The following KLHDC4 variants were observed in gnomAD, a reference collection of about 807,000 sequenced individuals.
The protein encoded by KLHDC4 is kelch domain-containing protein 4.
KLHDC4 carries 90 observed loss-of-function variants against 62.4 expected under a neutral mutation model. The observed-to-expected ratio is 1.44, with a 90% CI of 1.22 to 1.72. The LOEUF (loss-of-function observed/expected upper bound fraction) is 1.72, where lower values mean the gene tolerates loss of function less well. Among genes scored for constraint, KLHDC4 ranks in the 40% most tolerant of loss-of-function variants. The pLI is 0.00. For missense variants in KLHDC4, 1,025 were observed against 699.7 expected (o/e 1.47, Z -5.25); for synonymous variants, 386 against 284.4 (o/e 1.36, Z -3.59).
intron 7 of KLHDC4, among the ~76,000 whole-genome samples, chr16:87,725,099 C>CTG (rs1464911075): frequency 1.2e-5 from 1 of 82,266 alleles, no homozygotes; most frequent in Non-Finnish European, 2.5e-5. Flanking sequence ...ATCTGGGTGA[C>CTG]TTGTTTAGCA....
intron 5 of KLHDC4, among the ~76,000 whole-genome samples, chr16:87,735,791 G>A (rs756316089): frequency 2.3e-4 from 35 of 152,230 alleles, no homozygotes; most frequent in Non-Finnish European, 4.3e-4. Context: ...ACAGGGGAAT[G>A]TCGTGGTGGC....
At chr16:87,727,125 G>C (rs934988153) in intron 6 of KLHDC4, among the ~76,000 whole-genome samples, 7 of 152,188 alleles carry the variant, frequency 4.6e-5, no homozygotes, top group Non-Finnish European at 7.3e-5. Context: ...AGAGACGCCA[G>C]TCAGGTCTCC....
Position 87,748,715 on chromosome 16 carries a change from A to G in KLHDC4, c.464T>C (p.Leu155Pro), listed in dbSNP as rs780540338. 2.5e-6 allele frequency: 4 copies of G among 1,613,630 alleles called. No individual in the cohort carries two copies. Among genetic ancestry groups the G allele is most frequent in the Non-Finnish European group, 3.4e-6 (4 of 1,179,938 alleles). Residue 155 changes from leucine (L) to proline (P), a missense_variant, in exon 5 of 12, where the codon CTC becomes CCC. Coordinates refer to ENST00000270583, the MANE Select transcript of KLHDC4 (RefSeq NM_017566.4). The stretch of plus-strand genomic sequence containing the variant: ...CTTGGTGGCCAAATGCAGGACCCAG[A>G]GATCCTTGTAGTGGTAGAACTGCTC... ...NGEQFYHYKD[L>P]WVLHLATKTW...
At chr16:87,765,664 G>A (rs926997139) in intron 1 of KLHDC4, 128 bp downstream of exon 1, 3 of 863,802 alleles carry the variant, frequency 3.5e-6, no homozygotes, top group Non-Finnish European at 5.1e-6. Context: ...CAGTTCCTAC[G>A]GCCTCCAGCT....
intron 6 of KLHDC4, 57 bp from the exon 7 acceptor site, chr16:87,726,981 T>A: frequency 6.4e-7 from 1 of 1,564,006 alleles, no homozygotes; most frequent in Non-Finnish European, 8.8e-7. Context: ...GCCCTGACAT[T>A]AAAAACTGAA....
At chr16:87,722,759 G>A (rs770561298) in intron 7 of KLHDC4, among the ~76,000 whole-genome samples, 1 of 152,246 alleles carries the variant, frequency 6.6e-6, no homozygotes, top group Admixed American at 6.5e-5. Context: ...TTGCATCTCT[G>A]CAGGTCACTC....
chr16:87,704,036 C>T (rs1597330035), downstream of KLHDC4, among the ~76,000 whole-genome samples: 1 of 152,254 alleles, frequency 6.6e-6, no homozygotes, highest in African/African-American at 2.4e-5. Context: ...CAGGCTGAGG[C>T]CGTGATCACA....
At chr16:87,714,259 G>A (rs2036478200) in intron 8 of KLHDC4, 7 of 429,186 alleles carry the variant, frequency 1.6e-5, no homozygotes, top group African/African-American at 1.3e-4. Context: ...GGGTAACAGC[G>A]CCCGTGCTTC....
intron 7 of KLHDC4, among the ~76,000 whole-genome samples, chr16:87,720,861 T>C (rs956116869): frequency 6.6e-6 from 1 of 152,198 alleles, no homozygotes; most frequent in Non-Finnish European, 1.5e-5. Flanking sequence ...GTCGCGATGG[T>C]TTCTGCAGAG....
chr16:87,765,860 CCTT>C lies in KLHDC4; in HGVS notation c.28_30del (p.Lys10del), dbSNP rs899818408. ...GCGGCCGTCTTCTCCGCGCCGCGGC[CCTT>C]CTTCTCCTTCTTGCCCTTCTTGCCC... On this transcript the variant is annotated inframe_deletion, in exon 1 of 12. Transcript: ENST00000270583. 30 of 1,552,374 alleles carry C rather than the reference CCTT, an allele frequency of 1.9e-5. No individual in the cohort carries two copies. Among genetic ancestry groups the C allele is most frequent in the Non-Finnish European group, 2.3e-5 (26 of 1,147,370 alleles).
intron 7 of KLHDC4, among the ~76,000 whole-genome samples, chr16:87,719,337 G>C (rs2043008433): frequency 1.3e-5 from 2 of 152,226 alleles, no homozygotes; most frequent in African/African-American, 4.8e-5. Flanking sequence ...AAATTCTTCT[G>C]CCTTGGGATG....
intron 1 of KLHDC4, among the ~76,000 whole-genome samples, chr16:87,764,571 C>T (rs149708880): frequency 0.019 from 2,678 of 139,912 alleles, 37 homozygotes; most frequent in Non-Finnish European, 0.03. Flanking sequence ...ACCACTTGAA[C>T]CTGGGAGGCG....
chr16:87,751,544 G>C (rs1211205994), intron 4 of KLHDC4, among the ~76,000 whole-genome samples: 1 of 152,114 alleles, frequency 6.6e-6, no homozygotes, highest in South Asian at 2.1e-4. Context: ...TTCAGTTTAG[G>C]GAGAATAGAC....
chr16:87,715,934 G>A (rs1369816307), intron 7 of KLHDC4, among the ~76,000 whole-genome samples: 2 of 152,160 alleles, frequency 1.3e-5, no homozygotes, highest in Non-Finnish European at 2.9e-5. Context: ...TCAGTGCCTC[G>A]TGGATATTGA....
intron 7 of KLHDC4, among the ~76,000 whole-genome samples, chr16:87,720,546 C>T (rs1304652028): frequency 8.6e-6 from 1 of 116,612 alleles, no homozygotes; most frequent in Non-Finnish European, 1.8e-5. Flanking sequence ...GGAGACGCCG[C>T]GCCCCTGGGG....
At chr16:87,757,663 G>A (rs911824156) in intron 2 of KLHDC4, among the ~76,000 whole-genome samples, 7 of 152,066 alleles carry the variant, frequency 4.6e-5, no homozygotes, top group Non-Finnish European at 8.8e-5. Context: ...GCTGAGGCGG[G>A]CAGATCACCT....
chr16:87,749,063 T>G (rs538423252), intron 4 of KLHDC4, among the ~76,000 whole-genome samples: 3 of 151,408 alleles, frequency 2.0e-5, no homozygotes, highest in African/African-American at 7.3e-5. Context: ...AACATCCATT[T>G]ACATGTAGAC....
intron 5 of KLHDC4, among the ~76,000 whole-genome samples, chr16:87,747,884 C>G (rs967483013): frequency 6.6e-6 from 1 of 152,186 alleles, no homozygotes; most frequent in African/African-American, 2.4e-5. Context: ...GTGGAGAAGG[C>G]CTGTGTGCGG....
intron 4 of KLHDC4, among the ~76,000 whole-genome samples, chr16:87,754,514 G>A (rs2044542069): frequency 6.6e-6 from 1 of 152,176 alleles, no homozygotes; most frequent in Non-Finnish European, 1.5e-5. Flanking sequence ...TCAGCAAAGG[G>A]GGAAGGAAAT....
Sources: gnomAD v4.1 joint callset for allele counts (sites outside exome capture counted in the v4.1 genomes callset) on GRCh38, gnomAD v4.1.1 for gene constraint, MANE v1.5 for transcripts, NCBI Gene and HGNC (gene_info 2026-07-23, HGNC 2026-07-21) for gene names.